The following PCDHGA6 variants were observed in gnomAD, a reference collection of about 807,000 sequenced individuals.
PCDHGA6 encodes the protein protocadherin gamma-A6.
In PCDHGA6, 41 loss-of-function variants were observed where a neutral mutation model predicts 60.6. The observed-to-expected ratio is 0.68, with a 90% confidence interval of 0.53 to 0.88. The LOEUF is 0.88. Among genes scored for constraint, PCDHGA6 ranks in the 40% least tolerant of loss-of-function variants. The pLI is 0.00. For synonymous variants in PCDHGA6, 594 were observed against 524.4 expected (o/e 1.13, Z -1.81); for missense variants, 1,312 against 1,203.0 (o/e 1.09, Z -1.34).
chr5:141,397,809 A>G lies in PCDHGA6; in HGVS notation c.2424+21302A>G, dbSNP rs116170608. Among the ~76,000 whole-genome samples, 1,507 of 152,354 alleles carry G rather than the reference A, an allele frequency of 9.9e-3. 33 individuals carry two copies. Among genetic ancestry groups the G allele is most frequent in the African/African-American group, 0.034 (1,415 of 41,586 alleles). ...ACTTGGCTTGTTAAGTTAGGCACACAAAAACAATTACTGCACTGGTTAACT... is the reference window on the plus strand; with the variant it reads ...ACTTGGCTTGTTAAGTTAGGCACACGAAAACAATTACTGCACTGGTTAACT... On this transcript the variant is annotated intron_variant, in intron 1 of 3. Coordinates refer to ENST00000517434, the MANE Select transcript of PCDHGA6 (RefSeq NM_018919.3).
At chr5:141,425,717 C>G (rs1207360676) in intron 1 of PCDHGA6, among the ~76,000 whole-genome samples, 1 of 152,188 alleles carries the variant, frequency 6.6e-6, no homozygotes, top group African/African-American at 2.4e-5. Context: ...TTTTCCCATA[C>G]CACTTGATGG....
rs70988800 is a variant in PCDHGA6, at chr5:141,379,889, C to CTTTTTTTTTTTTTTTTTTTT, written c.2424+3393_2424+3412dup. 2.5e-3 allele frequency among the ~76,000 whole-genome samples: 127 copies of CTTTTTTTTTTTTTTTTTTTT among 50,836 alleles called. 11 individuals carry two copies. The highest frequency in any genetic ancestry group is 3.1e-3 in the Non-Finnish European group (79 of 25,888). The allele number at this position is 50,836 out of a possible 152,430, so 33.4% of individuals were successfully genotyped here. On this transcript the variant is annotated intron_variant, in intron 1 of 3. Transcript: ENST00000517434. ...CTTATTTTATGGTCTGTGAAAGCCT[C>CTTTTTTTTTTTTTTTTTTTT]TTTTTTTTTTTTTTTTTTTTTTTTT...
chr5:141,477,469 T>C lies in PCDHGA6; in HGVS notation c.2425-17338T>C, dbSNP rs2099411540. ...TGCGTGTTCAAGTGTCCGACATCAA[T>C]GACAACCCTCCACAATCTTCTCAAT... On this transcript the variant is annotated intron_variant, in intron 1 of 3. Coordinates refer to ENST00000517434, the MANE Select transcript of PCDHGA6 (RefSeq NM_018919.3). The surrounding 1 kb of genome is among the most constrained non-coding windows in gnomAD (Gnocchi z 4.9). 6.2e-7 allele frequency: 1 copy of C among 1,614,028 alleles called. No homozygotes were observed. Among genetic ancestry groups the C allele is most frequent in the South Asian group, 1.1e-5 (1 of 91,078 alleles).
At chr5:141,403,118 C>A (rs780657795) in intron 1 of PCDHGA6, 2 of 1,614,058 alleles carry the variant, frequency 1.2e-6, no homozygotes. Context: ...GGCTCTGGAG[C>A]CCCGGGAGCT....
rs149649459 is a variant in PCDHGA6, at chr5:141,505,183, G to A, written c.2484-210G>A. ...TCTAAAACAAAAAGAAAAAAGCATC[G>A]GAGGCAGCAAAGAGCTGGTTTGAGG... On this transcript the variant is annotated intron_variant, in intron 2 of 3. Transcript: ENST00000517434. Among the ~76,000 whole-genome samples, 214 of 152,244 alleles carry A rather than the reference G, an allele frequency of 1.4e-3. 1 individual carries two copies. Among genetic ancestry groups the A allele is most frequent in the African/African-American group, 4.8e-3 (200 of 41,530 alleles).
At chr5:141,430,947 G>T (rs1169662602) in intron 1 of PCDHGA6, 1 of 1,610,002 alleles carries the variant, frequency 6.2e-7, no homozygotes, top group Non-Finnish European at 8.5e-7. Flanking sequence ...GCGGAGCGCG[G>T]AGTCCGCATC....
intron 1 of PCDHGA6, chr5:141,399,027 A>G (rs1427563902): frequency 6.2e-7 from 1 of 1,613,788 alleles, no homozygotes; most frequent in Non-Finnish European, 8.5e-7. Context: ...TTACCACTCA[A>G]AAGAAACTGG....
At position 141,485,698 on chromosome 5, in the gene PCDHGA6, T is replaced by C. The variant is rs1175015922; in HGVS notation, c.2425-9109T>C. ...TTAGCAGCTATAGGCTGAGCTCCAA[T>C]GAACACTTTGCACTGGATGTGAAGA... On this transcript the variant is annotated intron_variant, in intron 1 of 3. Transcript: ENST00000517434. This position sits in a 1 kb window ranked among gnomAD's most constrained non-coding sequence, Gnocchi z 5.7. 6.2e-7 allele frequency: 1 copy of C among 1,613,994 alleles called. No homozygotes were observed. The highest frequency in any genetic ancestry group is 8.5e-7 in the Non-Finnish European group (1 of 1,180,002).
chr5:141,395,445 T>C (rs1257175969), intron 1 of PCDHGA6: 1 of 655,916 alleles, frequency 1.5e-6, no homozygotes, highest in East Asian at 2.9e-5. Context: ...TTGGAAAAGA[T>C]TGTTCAACCA....
intron 1 of PCDHGA6, among the ~76,000 whole-genome samples, chr5:141,386,181 G>C (rs908249495): frequency 3.3e-5 from 5 of 152,138 alleles, no homozygotes; most frequent in Non-Finnish European, 5.9e-5. Flanking sequence ...ACCATCTTAT[G>C]TACACAGATC....
chr5:141,388,710 G>A (rs756980821), intron 1 of PCDHGA6: 3 of 1,613,966 alleles, frequency 1.9e-6, no homozygotes, highest in Non-Finnish European at 8.5e-7. Flanking sequence ...TGTCAATGCC[G>A]AGATTACTTT....
intron 1 of PCDHGA6, among the ~76,000 whole-genome samples, chr5:141,464,625 T>C (rs1477206347): frequency 6.6e-6 from 1 of 152,190 alleles, no homozygotes; most frequent in East Asian, 1.9e-4. Context: ...TGTCAAGCTT[T>C]TTAATTGTTG....
At chr5:141,402,976 G>C in intron 1 of PCDHGA6, 5 of 1,608,120 alleles carry the variant, frequency 3.1e-6, no homozygotes, top group Non-Finnish European at 4.2e-6. Context: ...CCAAATGCCA[G>C]CTCCGCGGAA....
chr5:141,388,016 C>T lies in PCDHGA6; in HGVS notation c.2424+11509C>T, dbSNP rs1026420398. Reference sequence around the variant, plus strand: ...GGATTCCCGAGGAAATGCCCAAGGGCTCCGTAGTGGGGAACCTCGCCACGG... The same window carrying T: ...GGATTCCCGAGGAAATGCCCAAGGGTTCCGTAGTGGGGAACCTCGCCACGG... On this transcript the variant is annotated intron_variant, in intron 1 of 3. Coordinates refer to ENST00000517434, the MANE Select transcript of PCDHGA6 (RefSeq NM_018919.3). 4.1e-6 allele frequency: 6 copies of T among 1,465,422 alleles called. No individual in the cohort carries two copies. In the African/African-American group the frequency reaches 7.1e-5, roughly 17 times the overall value. The allele number at this position is 1,465,422 out of a possible 1,614,324, so 90.8% of individuals were successfully genotyped here.
In PCDHGA6 at chr5:141,489,152, A is replaced by C; in HGVS notation, c.2425-5655A>C. The C allele has an allele frequency of 2.1e-6, 2 of 960,350 alleles. No individual in the cohort carries two copies. Among genetic ancestry groups the C allele is most frequent in the Non-Finnish European group, 3.1e-6 (2 of 640,552 alleles). 59.5% of individuals were successfully genotyped at this position (960,350 alleles called of 1,614,324 possible). A position where few individuals can be genotyped will look rare whatever the true frequency, so the allele number is the denominator to read the frequency against. On this transcript the variant is annotated intron_variant, in intron 1 of 3. Transcript: ENST00000517434. This position sits in a 1 kb window ranked among gnomAD's most constrained non-coding sequence, Gnocchi z 4.5. The stretch of plus-strand genomic sequence containing the variant: ...TTTTAAGAGGCTGGAAGGAGACATA[A>C]GAGACTTCAGCTGCTGCATTCCAAG...
Position 141,394,738 on chromosome 5 carries a change from T to G in PCDHGA6, c.2424+18231T>G. ...GACAGAGATGCGCTCAAGCAGAGCCTCGTGGTGGCCGTCCAGGACCATGGC... is the reference window on the plus strand; with the variant it reads ...GACAGAGATGCGCTCAAGCAGAGCCGCGTGGTGGCCGTCCAGGACCATGGC... On this transcript the variant is annotated intron_variant, in intron 1 of 3. Coordinates refer to ENST00000517434, the MANE Select transcript of PCDHGA6 (RefSeq NM_018919.3). 3 of 1,613,412 alleles carry G rather than the reference T, an allele frequency of 1.9e-6. No homozygotes were observed. The African/African-American group carries it at 4.0e-5, about 21-fold the overall frequency.
rs1228384684 is a variant in PCDHGA6 at position 141,432,189 on chromosome 5, A to G, written c.2424+55682A>G. On this transcript the variant is annotated intron_variant, in intron 1 of 3. Coordinates refer to ENST00000517434, the MANE Select transcript of PCDHGA6 (RefSeq NM_018919.3). This position sits in a 1 kb window ranked among gnomAD's most constrained non-coding sequence, Gnocchi z 6.0. The stretch of plus-strand genomic sequence containing the variant: ...GTTTCCCTCGTCTCTGTGACCGCCC[A>G]CGACCCCGACTGTGAAGAGAACGCC... 6.2e-6 allele frequency: 10 copies of G among 1,613,964 alleles called. No homozygotes were observed. Among genetic ancestry groups the G allele is most frequent in the African/African-American group, 1.3e-5 (1 of 74,878 alleles).
In PCDHGA6 at chr5:141,489,522, C is replaced by T. The variant is rs371948070; in HGVS notation, c.2425-5285C>T. 2.5e-6 allele frequency: 4 copies of T among 1,614,088 alleles called. No individual in the cohort carries two copies. Among genetic ancestry groups the T allele is most frequent in the Non-Finnish European group, 3.4e-6 (4 of 1,180,036 alleles). On this transcript the variant is annotated intron_variant, in intron 1 of 3. Coordinates refer to ENST00000517434, the MANE Select transcript of PCDHGA6 (RefSeq NM_018919.3). The surrounding 1 kb of genome is among the most constrained non-coding windows in gnomAD (Gnocchi z 4.5). ...TGAATCAAAAGATTGACCGAGAAAG[C>T]CTATGTGGAGCCAGCACCAGCTGCC...
Position 141,374,277 on chromosome 5 carries a change from G to A in PCDHGA6, c.194G>A (p.Arg65His). 2.5e-6 allele frequency: 4 copies of A among 1,613,958 alleles called. No homozygotes were observed. The highest frequency in any genetic ancestry group is 3.4e-6 in the Non-Finnish European group (4 of 1,179,852). Residue 65 changes from arginine to histidine, a missense_variant, in exon 1 of 4, where the codon CGC becomes CAC. By Grantham distance (29) the Arg-to-His change is conservative. Transcript: ENST00000517434. ...CAGGAGTTGGCGGAGCACGGAGTCC[G>A]CATCGTCTCCAGAGGTAGGATGCAG... ...EPQELAEHGVRIVSRGRMQLF... is the reference protein window; with the variant it reads ...EPQELAEHGVHIVSRGRMQLF...
Sources: allele counts gnomAD v4.1 joint callset (sites outside exome capture counted in the v4.1 genomes callset), GRCh38; gene constraint gnomAD v4.1.1; non-coding constraint Gnocchi (gnomAD v3.1); transcripts MANE v1.5; gene names NCBI Gene and HGNC (gene_info 2026-07-23, HGNC 2026-07-21).